The following FHL2 variants were observed in gnomAD, a reference collection of about 807,000 sequenced individuals.
FHL2 encodes four and a half LIM domains protein 2.
FHL2 carries 20 observed loss-of-function variants against 32.7 expected under a neutral mutation model. The ratio of observed to expected loss-of-function variants is 0.61; its 90% CI spans 0.43 to 0.89. FHL2 has a LOEUF of 0.89. Among genes scored for constraint, FHL2 ranks in the 40% least tolerant of loss-of-function variants. The pLI, the probability that FHL2 is intolerant of heterozygous loss-of-function variation, is 0.00. For synonymous variants in FHL2, 123 were observed against 128.1 expected (o/e 0.96, Z 0.27); for missense variants, 311 against 358.6 (o/e 0.87, Z 1.07).
intron 3 of FHL2, among the ~76,000 whole-genome samples, chr2:105,379,100 A>G (rs1239341784): frequency 6.6e-6 from 1 of 152,172 alleles, no homozygotes; most frequent in African/African-American, 2.4e-5. Flanking sequence ...AAGGGCCCAA[A>G]TGCCAGATTG....
rs76438753 is a variant in FHL2 at position 105,397,656 on chromosome 2, C to T, written c.-75-959G>A. On this transcript the variant is annotated intron_variant, in intron 1 of 6. Coordinates refer to ENST00000530340, the MANE Select transcript of FHL2 (RefSeq NM_001318895.3). ...CTTCATCGACATGTTATGGTGTAAA[C>T]GCATTTTAAACCATGGCAGGCTAAT... Among the ~76,000 whole-genome samples the T allele has an allele frequency of 5.4e-3, 827 of 152,252 alleles. 13 individuals carry two copies. Among genetic ancestry groups the T allele is most frequent in the African/African-American group, 0.019 (791 of 41,538 alleles).
chr2:105,365,674 CAAAAAAAAA>C (rs771107312), intron 5 of FHL2, among the ~76,000 whole-genome samples: 2 of 71,662 alleles, frequency 2.8e-5, no homozygotes, highest in African/African-American at 1.1e-4. Context: ...GTCTCTACTA[CAAAAAAAAA>C]AAAAAAAAAT....
intron 2 of FHL2, among the ~76,000 whole-genome samples, chr2:105,394,365 A>C (rs886597232): frequency 6.6e-6 from 1 of 151,942 alleles, no homozygotes; most frequent in Non-Finnish European, 1.5e-5. Flanking sequence ...TGCTGCCACT[A>C]TACTCCAGCC....
upstream of FHL2, among the ~76,000 whole-genome samples, chr2:105,400,125 A>G (rs1390218079): frequency 6.6e-6 from 1 of 152,016 alleles, no homozygotes; most frequent in Non-Finnish European, 1.5e-5. Flanking sequence ...TTTGATCCAC[A>G]CTCCTTTAAG....
chr2:105,358,753 A>G (rs1057227393), downstream of FHL2: 1 of 152,310 alleles, frequency 6.6e-6, no homozygotes, highest in South Asian at 2.1e-4. Flanking sequence ...GCAAACCACT[A>G]TCTGTAAAGT....
At chr2:105,398,371 G>C (rs919903993) in intron 1 of FHL2, among the ~76,000 whole-genome samples, 2 of 152,178 alleles carry the variant, frequency 1.3e-5, no homozygotes, top group East Asian at 3.8e-4. Context: ...CTGAGTCAAG[G>C]AGCGAGGTCA....
chr2:105,435,560 G>A (rs548381340), intron 1 of FHL2, among the ~76,000 whole-genome samples: 1 of 152,282 alleles, frequency 6.6e-6, no homozygotes, highest in Admixed American at 6.5e-5. Context: ...ACTCTTTAAA[G>A]ACCAGAATGA....
At chr2:105,399,504 C>A (rs917475932), upstream of FHL2, 2 of 1,536,068 alleles carry the variant, frequency 1.3e-6, no homozygotes, top group African/African-American at 2.7e-5. Flanking sequence ...CCTTCTTACC[C>A]TGCAGATGCT....
At chr2:105,372,644 C>T (rs1372665420) in intron 4 of FHL2, among the ~76,000 whole-genome samples, 1 of 152,072 alleles carries the variant, frequency 6.6e-6, no homozygotes, top group African/African-American at 2.4e-5. Context: ...CAAAAATTAG[C>T]CAGGTGTGGT....
chr2:105,422,164 GC>G (rs1684124502), intron 1 of FHL2, among the ~76,000 whole-genome samples: 1 of 152,200 alleles, frequency 6.6e-6, no homozygotes, highest in Non-Finnish European at 1.5e-5. Flanking sequence ...GTAAGAAACA[GC>G]TGTTTGGCTT....
chr2:105,434,745 T>C (rs1684537837), intron 1 of FHL2, among the ~76,000 whole-genome samples: 1 of 152,102 alleles, frequency 6.6e-6, no homozygotes, highest in South Asian at 2.1e-4. Flanking sequence ...AGCTAAAACA[T>C]AGTTACTGGA....
At chr2:105,391,496 T>C (rs1054403954) in intron 2 of FHL2, among the ~76,000 whole-genome samples, 5 of 150,674 alleles carry the variant, frequency 3.3e-5, no homozygotes, top group Non-Finnish European at 7.4e-5. Context: ...AGAGACAGAG[T>C]AGGGTAGGCA....
At chr2:105,427,434 CAA>C (rs988477378) in intron 1 of FHL2, among the ~76,000 whole-genome samples, 31 of 152,116 alleles carry the variant, frequency 2.0e-4, no homozygotes, top group African/African-American at 6.8e-4. Flanking sequence ...GAAGTCTGGA[CAA>C]GAGAGAGTGT....
chr2:105,386,173 G>A (rs1270286892), intron 3 of FHL2, 188 bp downstream of exon 3: 1 of 569,462 alleles, frequency 1.8e-6, no homozygotes, highest in Non-Finnish European at 3.0e-6. Flanking sequence ...CTCACCCAGT[G>A]CTTGTGGGCA....
intron 1 of FHL2, chr2:105,438,367 G>A (rs1684676153): frequency 1.0e-6 from 1 of 985,616 alleles, no homozygotes; most frequent in Non-Finnish European, 1.2e-6. Flanking sequence ...GCAAGGGTGA[G>A]AGAAGGGCAC....
intron 2 of FHL2, among the ~76,000 whole-genome samples, chr2:105,389,664 T>G (rs1462661853): frequency 6.6e-6 from 1 of 152,190 alleles, no homozygotes; most frequent in Admixed American, 6.5e-5. Flanking sequence ...CTGAGCTTTC[T>G]CAAATAGCCG....
At chr2:105,365,692 A>T (rs1031137567) in intron 5 of FHL2, among the ~76,000 whole-genome samples, 1 of 150,726 alleles carries the variant, frequency 6.6e-6, no homozygotes, top group Non-Finnish European at 1.5e-5. Context: ...AAAAAAAAAA[A>T]TTAGGTGGGT....
chr2:105,423,135 A>G lies in FHL2; in HGVS notation c.-25+15264T>C, dbSNP rs536401687. On this transcript the variant is annotated intron_variant, in intron 1 of 5. Transcript: ENST00000393352. ...CTCTCTGATGTTTGCCCCCAGAGGA[A>G]TGAAGATTCTTCTAGATTTTAGTAC... Among the ~76,000 whole-genome samples, 107 of 152,270 alleles carry G rather than the reference A, an allele frequency of 7.0e-4. 1 individual carries two copies. Among genetic ancestry groups the G allele is most frequent in the African/African-American group, 2.4e-3 (99 of 41,554 alleles).
upstream of FHL2, chr2:105,399,055 G>C: frequency 6.7e-7 from 1 of 1,495,950 alleles, no homozygotes; most frequent in South Asian, 1.3e-5. Context: ...GCCGAGTGGA[G>C]CGCTGCGCAG....
Sources: gnomAD v4.1 joint callset for allele counts (sites outside exome capture counted in the v4.1 genomes callset) on GRCh38, gnomAD v4.1.1 for gene constraint, MANE v1.5 for transcripts, NCBI Gene and HGNC (gene_info 2026-07-23, HGNC 2026-07-21) for gene names.